L3MBTL2: variants seen among roughly 807,000 people sequenced by gnomAD.
L3MBTL2 encodes L3MBTL histone methyl-lysine binding protein 2.
L3MBTL2 carries 49 observed loss-of-function variants against 86.4 expected under a neutral mutation model. The ratio of observed to expected loss-of-function variants is 0.57; its 90% confidence interval spans 0.45 to 0.72. The LOEUF is 0.72. Among genes scored for constraint, L3MBTL2 ranks in the 30% least tolerant of loss-of-function variants. The pLI is 0.00. For missense variants in L3MBTL2, 755 were observed against 923.7 expected (o/e 0.82, Z 2.37); for synonymous variants, 336 against 350.6 (o/e 0.96, Z 0.47).
At chr22:41,226,536 G>A in intron 12 of L3MBTL2, 126 bp from the exon 13 acceptor site, 1 of 723,228 alleles carries the variant, frequency 1.4e-6, no homozygotes, top group East Asian at 2.6e-5. Context: ...TGAGAAGAAG[G>A]CTGCTGGGGA....
At chr22:41,222,052 A>T (rs2031865279) in intron 8 of L3MBTL2, among the ~76,000 whole-genome samples, 1 of 151,774 alleles carries the variant, frequency 6.6e-6, no homozygotes, top group Non-Finnish European at 1.5e-5. Flanking sequence ...GTGCGCACAC[A>T]CCACCATACT....
intron 16 of L3MBTL2, 61 bp from the exon 17 acceptor site, chr22:41,230,078 C>A: frequency 2.4e-6 from 2 of 821,650 alleles, no homozygotes; most frequent in Non-Finnish European, 1.9e-6. Context: ...CCAGCTCCTC[C>A]GCCCCCACCC....
intron 1 of L3MBTL2, among the ~76,000 whole-genome samples, chr22:41,205,825 T>A (rs991077867): frequency 5.3e-5 from 8 of 152,134 alleles, no homozygotes; most frequent in African/African-American, 1.9e-4. Flanking sequence ...TGTATTATTC[T>A]TTCGTCTTTG....
intron 5 of L3MBTL2, 161 bp downstream of exon 5, chr22:41,217,363 A>G: frequency 1.7e-6 from 1 of 605,000 alleles, no homozygotes; most frequent in Non-Finnish European, 2.9e-6. Context: ...GTTTATGTCA[A>G]AAAAATCCTC....
chr22:41,219,321 G>A (rs934530972), intron 5 of L3MBTL2, 98 bp from the exon 6 acceptor site: 3 of 829,218 alleles, frequency 3.6e-6, no homozygotes, highest in African/African-American at 1.7e-5. Flanking sequence ...GTGAAAAGTT[G>A]AGGTGCAAAC....
rs1367404551 is a variant in L3MBTL2 at position 41,221,229 on chromosome 22, G to A, written c.884G>A (p.Gly295Asp). Residue 295 changes from glycine to aspartate, a missense_variant, in exon 8 of 17, where the codon GGC (glycine) becomes GAC (aspartate). This residue lies in a region of L3MBTL2 where 634 missense variants were observed against 748.9 expected (regional missense o/e 0.85). Coordinates refer to ENST00000216237, the MANE Select transcript of L3MBTL2 (RefSeq NM_031488.5). ...CATGCCAAGTTCACCGACTGGAAGG[G>A]CTACCTCATGAAACGGCTGGTGGGC... is the stretch of plus-strand genomic sequence containing the variant. Reference protein sequence around the residue: ...TIHAKFTDWKGYLMKRLVGSR... With the variant: ...TIHAKFTDWKDYLMKRLVGSR... 1 of 1,551,340 alleles carries A rather than the reference G, an allele frequency of 6.4e-7. No individual in the cohort carries two copies. Among genetic ancestry groups the A allele is most frequent in the Non-Finnish European group, 8.7e-7 (1 of 1,146,726 alleles).
At chr22:41,219,268 A>G in intron 5 of L3MBTL2, 151 bp from the exon 6 acceptor site, 1 of 626,238 alleles carries the variant, frequency 1.6e-6, no homozygotes, top group South Asian at 1.7e-5. Context: ...AGGAGACCTC[A>G]TCTCTTTATC....
In L3MBTL2 at chr22:41,221,220, A is replaced by G. The variant is rs771463512; in HGVS notation, c.875A>G (p.Asp292Gly). Residue 292 changes from aspartate to glycine, a missense_variant, in exon 8 of 17, where the codon GAC becomes GGC. Asp to Gly is a moderately conservative substitution (Grantham distance 94, BLOSUM62 -1). This residue lies in a region of L3MBTL2 where 634 missense variants were observed against 748.9 expected (regional missense o/e 0.85). Transcript: ENST00000216237. The part of the protein sequence containing the change: ...PPRTIHAKFT[D>G]WKGYLMKRLV... ...ACAGCCATCCATGCCAAGTTCACCG[A>G]CTGGAAGGGCTACCTCATGAAACGG... 1.1e-4 allele frequency: 174 copies of G among 1,550,784 alleles called. No homozygotes were observed. Among genetic ancestry groups the G allele is most frequent in the Admixed American group, 3.5e-4 (18 of 50,960 alleles).
intron 2 of L3MBTL2, among the ~76,000 whole-genome samples, chr22:41,212,209 T>G (rs1435946112): frequency 6.6e-6 from 1 of 151,988 alleles, no homozygotes; most frequent in African/African-American, 2.4e-5. Context: ...CCCTTGCCTT[T>G]TATCTTTCTC....
rs1227874292 is a variant in L3MBTL2, at chr22:41,227,631, A to G, written c.1823-173A>G. On this transcript the variant is annotated intron_variant, in intron 14 of 16. Coordinates refer to ENST00000216237, the MANE Select transcript of L3MBTL2 (RefSeq NM_031488.5). This position sits in a 1 kb window ranked among gnomAD's most constrained non-coding sequence, Gnocchi z 6.0. Reference sequence around the variant, plus strand: ...GGTAACAAGGGTGGGAAGAAGGGACAGCTGTTCTCCGGCCCCTCCTCCAGC... The same window carrying G: ...GGTAACAAGGGTGGGAAGAAGGGACGGCTGTTCTCCGGCCCCTCCTCCAGC... 1 of 1,548,894 alleles carries G rather than the reference A, an allele frequency of 6.5e-7. No homozygotes were observed. Among genetic ancestry groups the G allele is most frequent in the African/African-American group, 1.4e-5 (1 of 72,974 alleles).
chr22:41,220,257 C>T (rs1364620545), intron 6 of L3MBTL2, among the ~76,000 whole-genome samples: 1 of 152,190 alleles, frequency 6.6e-6, no homozygotes, highest in Non-Finnish European at 1.5e-5. Flanking sequence ...ACTCTCAGCA[C>T]CATTCCATAA....
At position 41,205,387 on chromosome 22, in the gene L3MBTL2, G is replaced by A. The variant is rs752492231; in HGVS notation, c.24+1G>A. ...CATGGAGAAGCCCCGGAGTATTGAG[G>A]TGAGAAGGCGAGGACTTAGCGTGAC... is the stretch of plus-strand genomic sequence containing the variant. On this transcript the variant is annotated splice_donor_variant, in intron 1 of 16. Coordinates refer to ENST00000216237, the MANE Select transcript of L3MBTL2 (RefSeq NM_031488.5). LOFTEE classifies it high-confidence loss of function. 6.2e-7 allele frequency: 1 copy of A among 1,614,106 alleles called. No homozygotes were observed. Among genetic ancestry groups the A allele is most frequent in the African/African-American group, 1.3e-5 (1 of 74,946 alleles).
At chr22:41,229,092 T>TA (rs1023094238) in intron 15 of L3MBTL2, among the ~76,000 whole-genome samples, 3 of 151,598 alleles carry the variant, frequency 2.0e-5, no homozygotes, top group Admixed American at 2.0e-4. Context: ...ACCCCTAATT[T>TA]AAAAAAAATT....
intron 3 of L3MBTL2, 144 bp downstream of exon 3, chr22:41,214,170 G>C: frequency 2.7e-6 from 2 of 743,376 alleles, no homozygotes; most frequent in East Asian, 2.5e-5. Context: ...AAACTTCAGA[G>C]GACAGTAGAA....
Position 41,216,077 on chromosome 22 carries a change from C to T in L3MBTL2, c.397-62C>T, listed in dbSNP as rs557489396. On this transcript the variant is annotated intron_variant, in intron 3 of 16. Coordinates refer to ENST00000216237, the MANE Select transcript of L3MBTL2 (RefSeq NM_031488.5). The stretch of plus-strand genomic sequence containing the variant: ...CAAGCCCAGGACTTCAACTTGGCGG[C>T]CCAAATCCAGACTCATGATCCCAGC... The T allele has an allele frequency of 8.2e-5, 126 of 1,542,272 alleles. No homozygotes were observed. In the African/African-American group the frequency reaches 1.5e-3, roughly 19 times the overall value.
chr22:41,209,790 T>C lies in L3MBTL2; in HGVS notation c.119T>C (p.Val40Ala), dbSNP rs750554017. 3 of 1,614,050 alleles carry C rather than the reference T, an allele frequency of 1.9e-6. No homozygotes were observed. The African/African-American group carries it at 4.0e-5, about 22-fold the overall frequency. The change falls in exon 2 of 17, where the codon GTG (valine) becomes GCG (alanine). Residue 40 changes from valine to alanine, a missense_variant. Coordinates refer to ENST00000216237, the MANE Select transcript of L3MBTL2 (RefSeq NM_031488.5). ...YDSFRSYNSS[V>A]GSESSSYLEE... ...AGTTTCCGGAGTTATAACAGCAGTG[T>C]GGGCAGTGAGAGCAGCTCCTATCTG...
In L3MBTL2 at chr22:41,216,232, C is replaced by T; in HGVS notation, c.490C>T (p.Leu164=). 6.2e-7 allele frequency: 1 copy of T among 1,614,100 alleles called. No individual in the cohort carries two copies. The highest frequency in any genetic ancestry group is 1.7e-4 in the Middle Eastern group (1 of 6,060). The change falls in exon 4 of 17, where the codon CTG becomes TTG. Residue 164 remains leucine, a synonymous_variant. Transcript: ENST00000216237. ...AFLHSQGTGQ[L]ADGTPTGQDA... ...CCTCCACTCTCAAGGGACAGGACAG[C>T]TGGCAGATGGGACACCAACAGGACA...
chr22:41,227,779 T>G lies in L3MBTL2; in HGVS notation c.1823-25T>G. The G allele has an allele frequency of 6.2e-7, 1 of 1,613,528 alleles. No homozygotes were observed. Among genetic ancestry groups the G allele is most frequent in the Middle Eastern group, 1.7e-4 (1 of 6,060 alleles). On this transcript the variant is annotated intron_variant, in intron 14 of 16. Coordinates refer to ENST00000216237, the MANE Select transcript of L3MBTL2 (RefSeq NM_031488.5). This position sits in a 1 kb window ranked among gnomAD's most constrained non-coding sequence, Gnocchi z 6.0. The stretch of plus-strand genomic sequence containing the variant: ...CTCCCAGGGACCCTCTTCTCATCTC[T>G]TTCACCCTTGTCTTTCAACAACAGA...
chr22:41,228,174 GAAAA>G (rs1165726637), intron 15 of L3MBTL2: 2 of 985,288 alleles, frequency 2.0e-6, no homozygotes, highest in Non-Finnish European at 2.4e-6. Context: ...CCCATGTTCA[GAAAA>G]AAACAGCCTG....
Sources: gnomAD v4.1 joint callset for allele counts (sites outside exome capture counted in the v4.1 genomes callset) on GRCh38, gnomAD v4.1.1 for gene constraint, gnomAD v4.1.1 regional missense constraint, Gnocchi (gnomAD v3.1) non-coding constraint, MANE v1.5 for transcripts, NCBI Gene and HGNC (gene_info 2026-07-23, HGNC 2026-07-21) for gene names.